Variants in ACYP2 observed in about 807,000 individuals in gnomAD.
The protein encoded by ACYP2 is acylphosphatase-2.
In ACYP2, 12 loss-of-function variants were observed where a neutral mutation model predicts 11.2. That is an observed-to-expected ratio of 1.08 (90% CI 0.69 to 1.74). The LOEUF (loss-of-function observed/expected upper bound fraction) is 1.74. Among genes scored for constraint, ACYP2 ranks in the 40% most tolerant of loss-of-function variants. The probability of loss-of-function intolerance (pLI) is 0.00; values close to 1 mark genes in which losing one functional copy is unlikely to be tolerated. For synonymous variants in ACYP2, 43 were observed against 32.2 expected, an observed-to-expected ratio of 1.33 and a Z score of -1.13; for missense variants, 134 against 101.9, an observed-to-expected ratio of 1.31 and a Z score of -1.35.
intron 2 of ACYP2, among the ~76,000 whole-genome samples, chr2:53,987,446 A>T (rs1672091159): frequency 6.6e-6 from 1 of 152,086 alleles, no homozygotes; most frequent in South Asian, 2.1e-4. Context: ...AAAGTAGTTC[A>T]TCTACAGGTT....
At chr2:54,283,130 C>G (rs756606120) in intron 6 of ACYP2, among the ~76,000 whole-genome samples, 9 of 152,000 alleles carry the variant, frequency 5.9e-5, no homozygotes, top group Non-Finnish European at 1.3e-4. Context: ...TCCTAATGCA[C>G]GAATGATTGA....
At chr2:54,274,986 A>C (rs1343836076) in intron 6 of ACYP2, among the ~76,000 whole-genome samples, 1 of 152,220 alleles carries the variant, frequency 6.6e-6, no homozygotes, top group Non-Finnish European at 1.5e-5. Flanking sequence ...TACTCAGTTC[A>C]ACCTGAGATG....
At chr2:54,063,047 C>T (rs1036200979) in intron 4 of ACYP2, among the ~76,000 whole-genome samples, 44 of 152,096 alleles carry the variant, frequency 2.9e-4, no homozygotes, top group Non-Finnish European at 1.2e-4. Flanking sequence ...TGGGGAGTTC[C>T]TGGGGAACAA....
At chr2:54,035,005 A>T (rs1176278953) in intron 2 of ACYP2, among the ~76,000 whole-genome samples, 3 of 123,590 alleles carry the variant, frequency 2.4e-5, no homozygotes, top group African/African-American at 1.0e-4. Context: ...GCGAGACTAC[A>T]TCTCAAAAAA....
intron 6 of ACYP2, among the ~76,000 whole-genome samples, chr2:54,151,045 CTG>C (rs1682144700): frequency 6.6e-6 from 1 of 152,246 alleles, no homozygotes; most frequent in South Asian, 2.1e-4. Context: ...CCGGCAGATT[CTG>C]TGTTTCTATA....
Position 54,065,569 on chromosome 2 carries a change from C to T in ACYP2, c.277+8209C>T, listed in dbSNP as rs1460581776. Reference sequence around the variant, plus strand: ...GAAATAGTATTCAGAGCTGAGGCTTCATCTGCAGTGCTTGATTCAACAGAT... The same window carrying T: ...GAAATAGTATTCAGAGCTGAGGCTTTATCTGCAGTGCTTGATTCAACAGAT... On this transcript the variant is annotated intron_variant, in intron 4 of 6. Transcript: ENST00000607452. The T allele has an allele frequency of 4.8e-5, 19 of 398,384 alleles. No individual in the cohort carries two copies. The East Asian group carries it at 6.8e-4, about 14-fold the overall frequency. 24.7% of individuals were successfully genotyped at this position (398,384 alleles called of 1,614,324 possible). A position where few individuals can be genotyped will look rare whatever the true frequency, so the allele number is the denominator to read the frequency against.
chr2:53,998,122 C>T (rs1429400200), intron 2 of ACYP2, among the ~76,000 whole-genome samples: 2 of 152,190 alleles, frequency 1.3e-5, no homozygotes, highest in East Asian at 1.9e-4. Context: ...ACAACTTGAC[C>T]AGAATTTGGG....
At chr2:54,141,066 G>A (rs1441121000) in intron 6 of ACYP2, among the ~76,000 whole-genome samples, 1 of 152,136 alleles carries the variant, frequency 6.6e-6, no homozygotes. Flanking sequence ...GTAAGTTGGA[G>A]CATCTTTATG....
intron 6 of ACYP2, among the ~76,000 whole-genome samples, chr2:54,252,653 T>C (rs776556965): frequency 1.3e-5 from 2 of 152,166 alleles, no homozygotes; most frequent in Non-Finnish European, 2.9e-5. Flanking sequence ...ACCATTGGCA[T>C]AAAATAAATA....
At chr2:54,257,745 T>C (rs955890201) in intron 6 of ACYP2, among the ~76,000 whole-genome samples, 2 of 152,228 alleles carry the variant, frequency 1.3e-5, no homozygotes, top group African/African-American at 2.4e-5. Flanking sequence ...AGACAGGATG[T>C]TAGACAGCTT....
At chr2:54,080,838 C>G (rs1300635285) in intron 4 of ACYP2, among the ~76,000 whole-genome samples, 2 of 152,056 alleles carry the variant, frequency 1.3e-5, no homozygotes, top group Non-Finnish European at 2.9e-5. Context: ...GTTGCCCAGG[C>G]TGGTCTCAAG....
At chr2:54,085,619 T>C (rs956113561) in intron 4 of ACYP2, among the ~76,000 whole-genome samples, 3 of 152,144 alleles carry the variant, frequency 2.0e-5, no homozygotes, top group South Asian at 2.1e-4. Context: ...TGTGGTAAAA[T>C]TGGCTTTGTT....
chr2:54,058,999 T>C (rs1398040042), intron 4 of ACYP2, among the ~76,000 whole-genome samples: 2 of 152,064 alleles, frequency 1.3e-5, no homozygotes, highest in African/African-American at 2.4e-5. Flanking sequence ...AAGTTTCTGG[T>C]TGGAGATGTT....
intron 6 of ACYP2, among the ~76,000 whole-genome samples, chr2:54,227,864 T>C (rs1217219706): frequency 1.3e-5 from 2 of 152,234 alleles, no homozygotes; most frequent in Non-Finnish European, 2.9e-5. Context: ...TGCTACATCA[T>C]TTGAAGTCTT....
intron 5 of ACYP2, among the ~76,000 whole-genome samples, chr2:54,135,790 C>G (rs1681192440): frequency 6.6e-6 from 1 of 152,170 alleles, no homozygotes; most frequent in Admixed American, 6.5e-5. Flanking sequence ...TGGAAGAAAT[C>G]CTCTAGGCAA....
At chr2:54,052,316 A>G (rs1385097578) in intron 3 of ACYP2, among the ~76,000 whole-genome samples, 1 of 152,144 alleles carries the variant, frequency 6.6e-6, no homozygotes, top group Non-Finnish European at 1.5e-5. Context: ...CACACTACTG[A>G]ACATGTCTTT....
At chr2:54,023,559 A>G (rs1164832058) in intron 2 of ACYP2, among the ~76,000 whole-genome samples, 2 of 152,144 alleles carry the variant, frequency 1.3e-5, no homozygotes, top group Non-Finnish European at 2.9e-5. Flanking sequence ...CCATTTTAGT[A>G]TATTGCTAAT....
intron 2 of ACYP2, among the ~76,000 whole-genome samples, chr2:53,984,111 C>A (rs1023122852): frequency 6.6e-6 from 1 of 152,066 alleles, no homozygotes; most frequent in Non-Finnish European, 1.5e-5. Flanking sequence ...AGGTACCCAG[C>A]ACATTGAAGA....
At chr2:54,065,772 A>G in intron 4 of ACYP2, 1 of 342,728 alleles carries the variant, frequency 2.9e-6, no homozygotes, top group Non-Finnish European at 5.2e-6. Context: ...TTTGCTTTCT[A>G]TTTAAGAGCA....
Sources: allele counts gnomAD v4.1 joint callset (sites outside exome capture counted in the v4.1 genomes callset), GRCh38; gene constraint gnomAD v4.1.1; transcripts MANE v1.5; gene names NCBI Gene and HGNC (gene_info 2026-07-23, HGNC 2026-07-21).